Variants in AOC3 observed in about 807,000 individuals in gnomAD.
AOC3 encodes the protein amine oxidase [copper-containing] 3.
Under a neutral mutation model 55.4 loss-of-function variants are expected in AOC3, and 47 were observed. The ratio of observed to expected loss-of-function variants is 0.85; its 90% confidence interval spans 0.67 to 1.08. The LOEUF is 1.08. AOC3 is among the 50% of genes least tolerant of loss of function. The probability of loss-of-function intolerance (pLI) is 0.00; values close to 1 mark genes in which losing one functional copy is unlikely to be tolerated. For missense variants in AOC3, 853 were observed against 993.1 expected (o/e 0.86, Z 1.90); for synonymous variants, 386 against 410.7 (o/e 0.94, Z 0.73).
chr17:42,851,903 A>G lies in AOC3; in HGVS notation c.560A>G (p.Glu187Gly). ...ATAGACCAGATGATCTTCAACAGAG[A>G]GCTGCCCCAGGCTTCTGGGCTTCTC... ...LDIDQMIFNR[E>G]LPQASGLLHH... Residue 187 changes from glutamate (E) to glycine (G), a missense_variant, in exon 1 of 4, where the codon GAG (glutamate) becomes GGG (glycine). Glu to Gly is a moderately conservative substitution (Grantham distance 98, BLOSUM62 -2). Coordinates refer to ENST00000308423, the MANE Select transcript of AOC3 (RefSeq NM_003734.4). 6.2e-7 allele frequency: 1 copy of G among 1,613,692 alleles called. No individual in the cohort carries two copies. The highest frequency in any genetic ancestry group is 8.5e-7 in the Non-Finnish European group (1 of 1,179,984).
chr17:42,852,393 T>C lies in AOC3; in HGVS notation c.1050T>C (p.Phe350=). The part of the protein sequence containing the change: ...GLGAFSGPRI[F]DVRFQGERLV... ...GAGCATTCAGTGGCCCAAGGATCTTTGACGTTCGCTTCCAAGGAGAAAGAC... is the reference window on the plus strand; with the variant it reads ...GAGCATTCAGTGGCCCAAGGATCTTCGACGTTCGCTTCCAAGGAGAAAGAC... Residue 350 remains phenylalanine, a synonymous_variant, in exon 1 of 4, where the codon TTT becomes TTC. Coordinates refer to ENST00000308423, the MANE Select transcript of AOC3 (RefSeq NM_003734.4). 1 of 1,614,194 alleles carries C rather than the reference T, an allele frequency of 6.2e-7. No individual in the cohort carries two copies. Among genetic ancestry groups the C allele is most frequent in the Non-Finnish European group, 8.5e-7 (1 of 1,180,042 alleles).
chr17:42,852,226 G>T lies in AOC3; in HGVS notation c.883G>T (p.Gly295Cys). Residue 295 changes from glycine (G) to cysteine (C), a missense_variant, in exon 1 of 4, where the codon GGC becomes TGC. Gly to Cys is a radical substitution (Grantham distance 159). Coordinates refer to ENST00000308423, the MANE Select transcript of AOC3 (RefSeq NM_003734.4). ...GAATGTGGTGCTGATCCCAGACAATGGCACAGGTGGGTCCTGGTCCCTGAA... is the reference window on the plus strand; with the variant it reads ...GAATGTGGTGCTGATCCCAGACAATTGCACAGGTGGGTCCTGGTCCCTGAA... ...LVNVVLIPDN[G>C]TGGSWSLKSP... is the part of the protein sequence containing the mutation. The T allele has an allele frequency of 6.2e-7, 1 of 1,613,486 alleles. No individual in the cohort carries two copies. The highest frequency in any genetic ancestry group is 8.5e-7 in the Non-Finnish European group (1 of 1,179,774).
chr17:42,856,362 G>C lies in AOC3; in HGVS notation c.2104G>C (p.Gly702Arg). 6.2e-7 allele frequency: 1 copy of C among 1,614,134 alleles called. No individual in the cohort carries two copies. Among genetic ancestry groups the C allele is most frequent in the Non-Finnish European group, 8.5e-7 (1 of 1,180,020 alleles). ...PNTVTVGNGV[G>R]FFLRPYNFFD... is the part of the protein sequence containing the mutation. ...CACAGTGACTGTGGGGAACGGCGTGGGCTTCTTCCTCCGACCCTATAACTT... is the reference window on the plus strand; with the variant it reads ...CACAGTGACTGTGGGGAACGGCGTGCGCTTCTTCCTCCGACCCTATAACTT... The change falls in exon 4 of 4, where the codon GGC becomes CGC. Residue 702 changes from glycine to arginine, a missense_variant. Gly to Arg is a moderately radical substitution (Grantham distance 125). Transcript: ENST00000308423.
At chr17:42,854,792 G>C in intron 2 of AOC3, 59 bp downstream of exon 2, 1 of 1,405,582 alleles carries the variant, frequency 7.1e-7, no homozygotes, top group Non-Finnish European at 9.3e-7. Flanking sequence ...GAGTGTTGGC[G>C]GACACTCAGC....
In AOC3 at chr17:42,852,400, C is replaced by T. The variant is rs147693206; in HGVS notation, c.1057C>T (p.Arg353Cys). The T allele has an allele frequency of 8.5e-5, 138 of 1,614,058 alleles. No homozygotes were observed. Among genetic ancestry groups the T allele is most frequent in the South Asian group, 3.1e-4 (28 of 91,084 alleles). The change falls in exon 1 of 4, where the codon CGC becomes TGC. Residue 353 changes from arginine to cysteine, a missense_variant. Transcript: ENST00000308423. Reference sequence around the variant, plus strand: ...CAGTGGCCCAAGGATCTTTGACGTTCGCTTCCAAGGAGAAAGACTAGTTTA... The same window carrying T: ...CAGTGGCCCAAGGATCTTTGACGTTTGCTTCCAAGGAGAAAGACTAGTTTA... Reference protein sequence around the residue: ...AFSGPRIFDVRFQGERLVYEI... With the variant: ...AFSGPRIFDVCFQGERLVYEI...
At position 42,851,753 on chromosome 17, in the gene AOC3, A is replaced by G. The variant is rs1381273400; in HGVS notation, c.410A>G (p.Asn137Ser). The change falls in exon 1 of 4, where the codon AAC becomes AGC. Residue 137 changes from asparagine (N) to serine (S), a missense_variant. By Grantham distance (46) the Asn-to-Ser change is conservative. Transcript: ENST00000308423. ...TTCTTTGGCAGGCAACCCCAGCCCA[A>G]CGTGAGTGAGCTGGTGGTGGGGCCA... ...IVFFGRQPQPNVSELVVGPLP... is the reference protein window; with the variant it reads ...IVFFGRQPQPSVSELVVGPLP... The G allele has an allele frequency of 1.1e-5, 17 of 1,612,412 alleles. 1 individual carries two copies. The highest frequency in any genetic ancestry group is 6.6e-5 in the South Asian group (6 of 91,054).
intron 2 of AOC3, 124 bp downstream of exon 2, chr17:42,854,857 T>TA (rs2144303817): frequency 1.8e-6 from 2 of 1,089,086 alleles, no homozygotes; most frequent in East Asian, 6.4e-5. Flanking sequence ...TTTCCTTTTT[T>TA]TTTTTTTTTT....
chr17:42,853,067 C>A, intron 1 of AOC3, 124 bp downstream of exon 1: 1 of 1,366,440 alleles, frequency 7.3e-7, no homozygotes, highest in Non-Finnish European at 9.7e-7. Context: ...TCCCCTTTTG[C>A]TGGATGGGAG....
At chr17:42,856,155 C>T (rs1597970955) in intron 3 of AOC3, 120 bp from the exon 4 acceptor site, 1 of 1,304,716 alleles carries the variant, frequency 7.7e-7, no homozygotes, top group East Asian at 2.3e-5. Flanking sequence ...GCTTTGACTC[C>T]TACCCAGCAG....
At position 42,851,952 on chromosome 17, in the gene AOC3, C is replaced by G. The variant is rs2055674639; in HGVS notation, c.609C>G (p.His203Gln). 1 of 1,613,776 alleles carries G rather than the reference C, an allele frequency of 6.2e-7. No homozygotes were observed. The highest frequency in any genetic ancestry group is 8.5e-7 in the Non-Finnish European group (1 of 1,179,888). ...TCCACCACTGTTGCTTCTACAAGCA[C>G]CGGGGACGGAACCTGGTGACAATGA... ...GLLHHCCFYK[H>Q]RGRNLVTMTT... The change falls in exon 1 of 4, where the codon CAC becomes CAG. Residue 203 changes from histidine (H) to glutamine (Q), a missense_variant. Coordinates refer to ENST00000308423, the MANE Select transcript of AOC3 (RefSeq NM_003734.4).
rs754566333 is a variant in AOC3, at chr17:42,852,865, G to A, written c.1522G>A (p.Gly508Arg). 18 of 1,613,282 alleles carry A rather than the reference G, an allele frequency of 1.1e-5. No homozygotes were observed. The East Asian group carries it at 2.5e-4, about 22-fold the overall frequency. ...CCTCTTTGGTGCTACTGGGAAGTAC[G>A]GGAACCAAGTGTCAGAGCACACCCT... Reference protein sequence around the residue: ...AFLFGATGKYGNQVSEHTLGT... With the variant: ...AFLFGATGKYRNQVSEHTLGT... Residue 508 changes from glycine (G) to arginine (R), a missense_variant, in exon 1 of 4, where the codon GGG (glycine) becomes AGG (arginine). Coordinates refer to ENST00000308423, the MANE Select transcript of AOC3 (RefSeq NM_003734.4).
In AOC3 at chr17:42,855,446, A is replaced by G; in HGVS notation, c.1889A>G (p.Tyr630Cys). The G allele has an allele frequency of 6.2e-7, 1 of 1,603,436 alleles. No homozygotes were observed. Among genetic ancestry groups the G allele is most frequent in the Non-Finnish European group, 8.5e-7 (1 of 1,175,254 alleles). ...AGGCCTGACCAGTGCCTCCCTAGGTACCAGCTGGCTGTGACCCAGCGGAAG... is the reference window on the plus strand; with the variant it reads ...AGGCCTGACCAGTGCCTCCCTAGGTGCCAGCTGGCTGTGACCCAGCGGAAG... ...SMARGFSWER[Y>C]QLAVTQRKEE... The change falls in exon 3 of 4, where the codon TAC becomes TGC. Residue 630 changes from tyrosine (Y) to cysteine (C), a missense_variant and splice_region_variant. By Grantham distance (194) the Tyr-to-Cys change is radical (BLOSUM62 -2). Transcript: ENST00000308423.
chr17:42,852,703 G>C lies in AOC3; in HGVS notation c.1360G>C (p.Gly454Arg). 2 of 1,614,232 alleles carry C rather than the reference G, an allele frequency of 1.2e-6. No individual in the cohort carries two copies. The highest frequency in any genetic ancestry group is 1.7e-6 in the Non-Finnish European group (2 of 1,180,048). The change falls in exon 1 of 4, where the codon GGT becomes CGT. Residue 454 changes from glycine to arginine, a missense_variant. By Grantham distance (125) the Gly-to-Arg change is moderately radical. Coordinates refer to ENST00000308423, the MANE Select transcript of AOC3 (RefSeq NM_003734.4). The stretch of plus-strand genomic sequence containing the variant: ...AGATCTCTACTCGCACTACTTTGGG[G>C]GTCTTGCGGAAACGGTGCTGGTCGT... ...HSDLYSHYFG[G>R]LAETVLVVRS... is the part of the protein sequence containing the mutation.
Position 42,851,383 on chromosome 17 carries a change from G to A in AOC3, c.40G>A (p.Val14Ile), listed in dbSNP as rs150796667. The change falls in exon 1 of 4, where the codon GTC becomes ATC. Residue 14 changes from valine to isoleucine, a missense_variant. Coordinates refer to ENST00000308423, the MANE Select transcript of AOC3 (RefSeq NM_003734.4). Reference sequence around the variant, plus strand: ...AATCCTCGTGCTCCTCATTCTGGCCGTCATCACCATCTTTGCCTTGGTTTG... The same window carrying A: ...AATCCTCGTGCTCCTCATTCTGGCCATCATCACCATCTTTGCCTTGGTTTG... ...KTILVLLILA[V>I]ITIFALVCVL... 3.4e-5 allele frequency: 55 copies of A among 1,611,444 alleles called. No individual in the cohort carries two copies. Among genetic ancestry groups the A allele is most frequent in the Middle Eastern group, 3.3e-4 (2 of 6,044 alleles).
chr17:42,851,294 G>A lies in AOC3; in HGVS notation c.-50G>A. The A allele has an allele frequency of 6.5e-7, 1 of 1,539,920 alleles. No individual in the cohort carries two copies. Among genetic ancestry groups the A allele is most frequent in the African/African-American group, 1.4e-5 (1 of 72,940 alleles). On this transcript the variant is annotated 5_prime_UTR_variant, in exon 1 of 4. Coordinates refer to ENST00000308423, the MANE Select transcript of AOC3 (RefSeq NM_003734.4). ...CAGAGCCCCCGTCTTGCTGGCGTGA[G>A]AATACATTGCTCTCCTTTGGTTGAA...
At chr17:42,853,085 G>C in intron 1 of AOC3, 142 bp downstream of exon 1, 1 of 1,339,150 alleles carries the variant, frequency 7.5e-7, no homozygotes, top group Non-Finnish European at 9.9e-7. Flanking sequence ...GAGAGAGTTG[G>C]CTGCTGAGTT....
rs2055773690 is a variant in AOC3 at position 42,858,069 on chromosome 17, A to G, written c.*1519A>G. 6.6e-6 allele frequency: 1 copy of G among 152,216 alleles called. No homozygotes were observed. The highest frequency in any genetic ancestry group is 6.5e-5 in the Admixed American group (1 of 15,274). 9.4% of individuals were successfully genotyped at this position (152,216 alleles called of 1,614,324 possible). A position where few individuals can be genotyped will look rare whatever the true frequency, so the allele number is the denominator to read the frequency against. On this transcript the variant is annotated 3_prime_UTR_variant, in exon 4 of 4. Coordinates refer to ENST00000308423, the MANE Select transcript of AOC3 (RefSeq NM_003734.4). ...ACTTACACCCTTTTGTACATTTTGA[A>G]TTTTGAACCATGTGACTGTATTACC...
Position 42,854,713 on chromosome 17 carries a change from G to A in AOC3, c.1866G>A (p.Ala622=), listed in dbSNP as rs757333011. ...CGCTGCCCCAAAACAGCTCCATGGC[G>A]AGAGGCTTCAGCTGGGAGAGGTGAG... is the stretch of plus-strand genomic sequence containing the variant. The part of the protein sequence containing the change: ...GEPLPQNSSM[A]RGFSWERYQL... The change falls in exon 2 of 4, where the codon GCG becomes GCA. Residue 622 remains alanine (A), a synonymous_variant. Coordinates refer to ENST00000308423, the MANE Select transcript of AOC3 (RefSeq NM_003734.4). 8.8e-6 allele frequency: 13 copies of A among 1,485,354 alleles called. No homozygotes were observed. The highest frequency in any genetic ancestry group is 4.9e-5 in the East Asian group (2 of 40,442). 92.0% of individuals were successfully genotyped at this position (1,485,354 alleles called of 1,614,324 possible). A position where few individuals can be genotyped will look rare whatever the true frequency, so the allele number is the denominator to read the frequency against.
chr17:42,854,808 C>T (rs958416233), intron 2 of AOC3, 75 bp downstream of exon 2: 6 of 1,288,898 alleles, frequency 4.7e-6, no homozygotes, highest in Non-Finnish European at 6.1e-6. Flanking sequence ...TCAGCTCACA[C>T]TGTAGGTGAG....
Sources: gnomAD v4.1 joint callset for allele counts on GRCh38, gnomAD v4.1.1 for gene constraint, MANE v1.5 for transcripts, NCBI Gene and HGNC (gene_info 2026-07-23, HGNC 2026-07-21) for gene names.